PLIN4: variants seen among roughly 807,000 people sequenced by gnomAD.
PLIN4 encodes the protein perilipin 4.
In PLIN4, 57 loss-of-function variants were observed where a neutral mutation model predicts 52.4. That is an observed-to-expected ratio of 1.09 (90% CI 0.88 to 1.36). The LOEUF (loss-of-function observed/expected upper bound fraction) is 1.36. Ranked by LOEUF, PLIN4 falls within the 40% of genes most tolerant of loss-of-function variation. The pLI, the probability that PLIN4 is intolerant of heterozygous loss-of-function variation, is 0.00. For missense variants in PLIN4, 1,757 were observed against 1,770.3 expected, an observed-to-expected ratio of 0.99 and a Z score of 0.13; for synonymous variants, 826 against 785.4, an observed-to-expected ratio of 1.05 and a Z score of -0.86.
chr19:4,514,685 G>A (rs565554414), intron 4 of PLIN4, among the ~76,000 whole-genome samples: 15 of 149,730 alleles, frequency 1.0e-4, no homozygotes, highest in East Asian at 4.0e-4. Context: ...CCGAGATCGC[G>A]CCACTGCACT....
In PLIN4 at chr19:4,512,267, T is replaced by C. The variant is rs1976413085; in HGVS notation, c.1693A>G (p.Lys565Glu). The C allele has an allele frequency of 6.2e-7, 1 of 1,612,004 alleles. No individual in the cohort carries two copies. The highest frequency in any genetic ancestry group is 1.7e-5 in the Admixed American group (1 of 59,862). The change falls in exon 5 of 8, where the codon AAA becomes GAA. Residue 565 changes from lysine to glutamate, a missense_variant. By Grantham distance (56) the Lys-to-Glu change is moderately conservative. Transcript: ENST00000301286. ...GTGAGCCCAGTGGACATCGTGTCTT[T>C]TGTACCTATGACCACAGACTTGGTG... ...DTTKSVVIGT[K>E]DTMSTGLTGA... is the part of the protein sequence containing the mutation.
chr19:4,508,086 A>G (rs1261245674), intron 6 of PLIN4, among the ~76,000 whole-genome samples: 1 of 151,814 alleles, frequency 6.6e-6, no homozygotes, highest in Non-Finnish European at 1.5e-5. Context: ...CCGCCTTTCC[A>G]TTCCCCGAAC....
chr19:4,517,677 A>G lies in PLIN4; in HGVS notation c.73T>C (p.Ser25Pro). The G allele has an allele frequency of 1.3e-6, 2 of 1,598,550 alleles. No individual in the cohort carries two copies. The highest frequency in any genetic ancestry group is 1.7e-6 in the Non-Finnish European group (2 of 1,173,246). The stretch of plus-strand genomic sequence containing the variant: ...CGGGCAGAGCTGAAGCCAGGCAGGG[A>G]CCCAAAGAAGCTGCCCAGGGTCTGC... ...KGKTLGSFFG[S>P]LPGFSSARNL... The change falls in exon 3 of 8, where the codon TCC becomes CCC. Residue 25 changes from serine (S) to proline (P), a missense_variant. Ser to Pro is a moderately conservative substitution (Grantham distance 74, BLOSUM62 -1). This residue lies in a region of PLIN4 where 332 missense variants were observed against 310.8 expected (regional missense o/e 1.07). Coordinates refer to ENST00000301286, the MANE Select transcript of PLIN4 (RefSeq NM_001367868.2).
chr19:4,508,953 G>A lies in PLIN4; in HGVS notation c.3517C>T (p.Gln1173Ter). 6 of 1,610,090 alleles carry A rather than the reference G, an allele frequency of 3.7e-6. No individual in the cohort carries two copies. The highest frequency in any genetic ancestry group is 4.2e-6 in the Non-Finnish European group (5 of 1,178,524). Residue 1173 changes from glutamine (Q) to a stop codon, truncating the protein, a stop_gained and splice_region_variant, in exon 6 of 8, where the codon CAG (glutamine) becomes TAG (stop). Transcript: ENST00000301286. LOFTEE classifies it high-confidence loss of function. Reference protein sequence around the residue: ...FHPMNAEEQAQLAASQPGPKV... With the variant: ...FHPMNAEEQA ...GGCCCAGGCTGGGAGGCAGCCAGCT[G>A]AGCTGGAAAGGAAGGCGCACCGCTC...
In PLIN4 at chr19:4,518,247, C is replaced by T. The variant is rs760414082; in HGVS notation, c.26G>A (p.Arg9Gln). The change falls in exon 2 of 8, where the codon CGG becomes CAG. Residue 9 changes from arginine to glutamine, a missense_variant. Around this residue, in one of 7 missense-constraint regions of PLIN4, gnomAD observed 332 missense variants for 310.8 expected, o/e 1.07. Transcript: ENST00000301286. MSAPDEGR[R>Q]DPPKPKGKTL... is the part of the protein sequence containing the mutation. ...CTTGCCCTTCGGTTTGGGGGGATCCCGTCTCCCTTCGTCTGGAGCAGACAT... is the reference window on the plus strand; with the variant it reads ...CTTGCCCTTCGGTTTGGGGGGATCCTGTCTCCCTTCGTCTGGAGCAGACAT... 7.1e-5 allele frequency: 87 copies of T among 1,232,720 alleles called. No individual in the cohort carries two copies. The highest frequency in any genetic ancestry group is 8.4e-5 in the Non-Finnish European group (83 of 988,548). 76.4% of individuals were successfully genotyped at this position (1,232,720 alleles called of 1,614,324 possible).
chr19:4,504,309 C>A lies in PLIN4; in HGVS notation c.*150G>T. ...GCTCAGTTAAGAAGGTCACTGCCTC[C>A]GCAGCCCCTCGGCGCTCAGCCAGCT... is the stretch of plus-strand genomic sequence containing the variant. On this transcript the variant is annotated 3_prime_UTR_variant, in exon 8 of 8. Transcript: ENST00000301286. 1.2e-6 allele frequency: 1 copy of A among 802,850 alleles called. No individual in the cohort carries two copies. The highest frequency in any genetic ancestry group is 1.9e-6 in the Non-Finnish European group (1 of 533,762). The allele number at this position is 802,850 out of a possible 1,614,324, so 49.7% of individuals were successfully genotyped here. A position where few individuals can be genotyped will look rare whatever the true frequency, so the allele number is the denominator to read the frequency against.
chr19:4,515,235 C>G (rs949005781), intron 4 of PLIN4, among the ~76,000 whole-genome samples: 2 of 151,792 alleles, frequency 1.3e-5, no homozygotes, highest in Admixed American at 6.6e-5. Context: ...CCTAGGAGTT[C>G]TAACTCTCGG....
chr19:4,510,538 T>C lies in PLIN4; in HGVS notation c.3422A>G (p.His1141Arg). 3 of 1,493,834 alleles carry C rather than the reference T, an allele frequency of 2.0e-6. No homozygotes were observed. The highest frequency in any genetic ancestry group is 2.7e-6 in the Non-Finnish European group (3 of 1,121,956). The allele number at this position is 1,493,834 out of a possible 1,614,324, so 92.5% of individuals were successfully genotyped here. The change falls in exon 5 of 8, where the codon CAC becomes CGC. Residue 1141 changes from histidine (H) to arginine (R), a missense_variant. Coordinates refer to ENST00000301286, the MANE Select transcript of PLIN4 (RefSeq NM_001367868.2). ...REDTGLLATT[H>R]GPEEAPRLAM... ...CAAGCGTGGGGCTTCTTCGGGGCCG[T>C]GTGTGGTGGCCAAAAGCCCCGTGTC...
intron 6 of PLIN4, among the ~76,000 whole-genome samples, chr19:4,506,215 C>T (rs959823399): frequency 4.6e-5 from 7 of 152,194 alleles, no homozygotes; most frequent in Non-Finnish European, 8.8e-5. Context: ...AGCCCAGGTC[C>T]GGCCCAACCT....
chr19:4,505,609 CGTT>C (rs963750838), intron 6 of PLIN4, among the ~76,000 whole-genome samples: 8 of 152,156 alleles, frequency 5.3e-5, no homozygotes, highest in African/African-American at 4.8e-5. Context: ...ACTCTGTCCT[CGTT>C]GTTGCTGTGT....
rs1448030388 is a variant in PLIN4 at position 4,517,464 on chromosome 19, C to T, written c.196+90G>A. On this transcript the variant is annotated intron_variant, in intron 3 of 7. Coordinates refer to ENST00000301286, the MANE Select transcript of PLIN4 (RefSeq NM_001367868.2). ...ACACAGACAAATATGGAGGACTCCC[C>T]AAATGGCTGGAAGTCCCTGCCCGGG... 5.4e-6 allele frequency: 8 copies of T among 1,471,820 alleles called. No individual in the cohort carries two copies. The African/African-American group carries it at 7.0e-5, about 13-fold the overall frequency. The allele number at this position is 1,471,820 out of a possible 1,614,324, so 91.2% of individuals were successfully genotyped here.
chr19:4,505,264 C>T (rs1367379302), intron 6 of PLIN4, among the ~76,000 whole-genome samples: 2 of 152,310 alleles, frequency 1.3e-5, no homozygotes, highest in African/African-American at 4.8e-5. Context: ...TGGGCTGGCC[C>T]CTGGGACACC....
chr19:4,511,911 C>G lies in PLIN4; in HGVS notation c.2049G>C (p.Gln683His). ...CGGTCTTGGCCGTGTCTACACCTGT[C>G]TGGGCAGCCCCTTTGGCCACATTCA... ...SAVNVAKGAAQTGVDTAKTVL... is the reference protein window; with the variant it reads ...SAVNVAKGAAHTGVDTAKTVL... Residue 683 changes from glutamine (Q) to histidine (H), a missense_variant, in exon 5 of 8, where the codon CAG (glutamine) becomes CAC (histidine). Around this residue, in one of 7 missense-constraint regions of PLIN4, gnomAD observed 439 missense variants for 406.4 expected, o/e 1.08. Transcript: ENST00000301286. 6.2e-7 allele frequency: 1 copy of G among 1,605,500 alleles called. No homozygotes were observed. Among genetic ancestry groups the G allele is most frequent in the Non-Finnish European group, 8.5e-7 (1 of 1,173,966 alleles).
In PLIN4 at chr19:4,518,373, C is replaced by T; in HGVS notation, c.-18+12G>A. On this transcript the variant is annotated intron_variant, in intron 1 of 7. Transcript: ENST00000301286. ...CACTCCCCACTGAAAGCCTGAGCAG[C>T]CCGACACCCACCTGCAGGCCTGGCC... 8.1e-7 allele frequency: 1 copy of T among 1,231,678 alleles called. No homozygotes were observed. The highest frequency in any genetic ancestry group is 4.1e-5 in the South Asian group (1 of 24,250). The allele number at this position is 1,231,678 out of a possible 1,614,324, so 76.3% of individuals were successfully genotyped here. A position where few individuals can be genotyped will look rare whatever the true frequency, so the allele number is the denominator to read the frequency against.
intron 6 of PLIN4, 102 bp from the exon 7 acceptor site, chr19:4,505,049 T>C: frequency 9.0e-7 from 1 of 1,111,084 alleles, no homozygotes; most frequent in Admixed American, 2.1e-5. Flanking sequence ...TTCACAGTCC[T>C]GGGAGAAAGG....
chr19:4,510,931 C>G lies in PLIN4; in HGVS notation c.3029G>C (p.Gly1010Ala). Residue 1010 changes from glycine to alanine, a missense_variant, in exon 5 of 8, where the codon GGG becomes GCG. Physicochemically the swap from Gly to Ala is moderately conservative, Grantham distance 60 (BLOSUM62 0). Around this residue, in one of 7 missense-constraint regions of PLIN4, gnomAD observed 712 missense variants for 637.1 expected, o/e 1.12. Coordinates refer to ENST00000301286, the MANE Select transcript of PLIN4 (RefSeq NM_001367868.2). Reference sequence around the variant, plus strand: ...GGTGTCCAGGCCCCCCTGGACGGCCCCTTTGGCCATGCTCATGGCACCGGT... The same window carrying G: ...GGTGTCCAGGCCCCCCTGGACGGCCGCTTTGGCCATGCTCATGGCACCGGT... ...GVTGAMSMAK[G>A]AVQGGLDTTK... 6.2e-6 allele frequency: 10 copies of G among 1,613,580 alleles called. No individual in the cohort carries two copies. The highest frequency in any genetic ancestry group is 8.5e-6 in the Non-Finnish European group (10 of 1,179,880).
chr19:4,517,840 C>G, intron 2 of PLIN4, 142 bp from the exon 3 acceptor site: 1 of 1,114,500 alleles, frequency 9.0e-7, no homozygotes. Flanking sequence ...AGCCACTCAG[C>G]CTCAATTTCC....
rs755217552 is a variant in PLIN4 at position 4,512,065 on chromosome 19, T to A, written c.1895A>T (p.Asp632Val). 5.6e-6 allele frequency: 9 copies of A among 1,611,702 alleles called. No individual in the cohort carries two copies. The East Asian group carries it at 2.0e-4, about 36-fold the overall frequency. The change falls in exon 5 of 8, where the codon GAC becomes GTC. Residue 632 changes from aspartate to valine, a missense_variant. Physicochemically the swap from Asp to Val is radical, Grantham distance 152. Around this residue, in one of 7 missense-constraint regions of PLIN4, gnomAD observed 439 missense variants for 406.4 expected, o/e 1.08. Coordinates refer to ENST00000301286, the MANE Select transcript of PLIN4 (RefSeq NM_001367868.2). ...TTKTVLTGTK[D>V]TIYSGVTSAV... Reference sequence around the variant, plus strand: ...ACTGGTGACCCCACTGTAGATGGTGTCCTTGGTACCGGTTAGGACAGTTTT... The same window carrying A: ...ACTGGTGACCCCACTGTAGATGGTGACCTTGGTACCGGTTAGGACAGTTTT...
chr19:4,507,025 C>A (rs1976115299), intron 6 of PLIN4, among the ~76,000 whole-genome samples: 2 of 152,198 alleles, frequency 1.3e-5, no homozygotes, highest in African/African-American at 2.4e-5. Context: ...TGAGCAGTGT[C>A]CCTACTCTCC....
Sources: allele counts gnomAD v4.1 joint callset (sites outside exome capture counted in the v4.1 genomes callset), GRCh38; gene constraint gnomAD v4.1.1; regional missense constraint gnomAD v4.1.1; transcripts MANE v1.5; gene names NCBI Gene and HGNC (gene_info 2026-07-23, HGNC 2026-07-21).